AFF2: variants seen among roughly 807,000 people sequenced by gnomAD.
The protein encoded by AFF2 is AF4/FMR2 family member 2.
A neutral mutation model predicts 76.9 loss-of-function variants in AFF2; 14 were observed. That is an observed-to-expected ratio of 0.18 (90% CI 0.12 to 0.28). The LOEUF is 0.28. Ranked by LOEUF, AFF2 falls within the 10% of genes least tolerant of loss-of-function variation. AFF2 has a pLI of 1.00. For missense variants in AFF2, 868 were observed against 1,001.1 expected (o/e 0.87, Z 1.79); for synonymous variants, 398 against 366.7 (o/e 1.09, Z -0.98).
intron 5 of AFF2, among the ~76,000 whole-genome samples, chrX:148,840,106 G>A (rs1232564008): frequency 2.7e-5 from 3 of 110,964 alleles, no homozygotes; most frequent in Non-Finnish European, 5.7e-5. Context: ...ACCTCACAAG[G>A]AAGGGAGTAA....
At chrX:148,833,613 A>T (rs1201854320) in intron 4 of AFF2, among the ~76,000 whole-genome samples, 3 of 110,137 alleles carry the variant, frequency 2.7e-5, no homozygotes, top group East Asian at 2.8e-4. Context: ...AAAAAAAAAA[A>T]AATAAAAAAT....
intron 7 of AFF2, among the ~76,000 whole-genome samples, chrX:148,850,662 G>A (rs1385017108): frequency 8.9e-6 from 1 of 112,534 alleles, no homozygotes; most frequent in Non-Finnish European, 1.9e-5. Flanking sequence ...GCTATGATCA[G>A]AGATACTTTT....
chrX:148,596,403 C>T (rs1393960424), intron 1 of AFF2, among the ~76,000 whole-genome samples: 1 of 111,881 alleles, frequency 8.9e-6, no homozygotes, highest in East Asian at 2.8e-4. Flanking sequence ...GTCAAGGGGC[C>T]AGGGAAGCTG....
rs782508166 is a variant in AFF2, at chrX:148,916,196, C to CTTTTTTTTTT, written c.1397+11960_1397+11969dup. ...AATAGACTTTTGAATGTGGTTTTAA[C>CTTTTTTTTTT]TTTTTTTTTTTTTTTTTTTTTTTTT... On this transcript the variant is annotated intron_variant, in intron 9 of 20. Transcript: ENST00000370460. Among the ~76,000 whole-genome samples the CTTTTTTTTTT allele has an allele frequency of 5.3e-4, 18 of 34,035 alleles. 2 individuals are homozygous for CTTTTTTTTTT. Among genetic ancestry groups the CTTTTTTTTTT allele is most frequent in the African/African-American group, 2.2e-3 (18 of 8,052 alleles). 29.6% of individuals were successfully genotyped at this position (34,035 alleles called of 115,157 possible).
intron 3 of AFF2, among the ~76,000 whole-genome samples, chrX:148,688,364 A>G (rs782706617): frequency 9.0e-6 from 1 of 111,268 alleles, no homozygotes; most frequent in Non-Finnish European, 1.9e-5. Context: ...GTGCCATCAT[A>G]CTTTTACCAG....
In AFF2 at chrX:148,931,253, CAAAAAAAAAAAAA is replaced by C. The variant is rs782537927; in HGVS notation, c.1398-22313_1398-22301del. Among the ~76,000 whole-genome samples the C allele has an allele frequency of 4.6e-5, 2 of 43,766 alleles. 1 individual carries two copies. The highest frequency in any genetic ancestry group is 7.5e-5 in the Non-Finnish European group (2 of 26,693). The allele number at this position is 43,766 out of a possible 115,157, so 38.0% of individuals were successfully genotyped here. ...TGGGTGACAGAGCGAGACTCTGTCT[CAAAAAAAAAAAAA>C]AAAAAAAAAAAAATTCATATACAAG... On this transcript the variant is annotated intron_variant, in intron 9 of 20. Transcript: ENST00000370460.
In AFF2 at chrX:148,732,576, T is replaced by TA. The variant is rs782568759; in HGVS notation, c.1041+69823dup. Among the ~76,000 whole-genome samples the TA allele has an allele frequency of 4.4e-3, 227 of 51,077 alleles. 1 individual carries two copies. The Middle Eastern group carries it at 0.058, about 13-fold the overall frequency. The allele number at this position is 51,077 out of a possible 115,157, so 44.4% of individuals were successfully genotyped here. A position where few individuals can be genotyped will look rare whatever the true frequency, so the allele number is the denominator to read the frequency against. ...TGTACCCTAAAACTTAAAGTATAAT[T>TA]AAAAAAAAAAAAAAAGAAAGAAATA... On this transcript the variant is annotated intron_variant, in intron 3 of 20. Transcript: ENST00000370460.
intron 3 of AFF2, among the ~76,000 whole-genome samples, chrX:148,772,838 C>G (rs2069606722): frequency 9.0e-6 from 1 of 110,718 alleles, no homozygotes; most frequent in Admixed American, 9.7e-5. Context: ...ACTAATAATT[C>G]AACCATTGAT....
rs188550543 is a variant in AFF2 at position 148,998,239 on chromosome X, T to C, written c.*6907T>C. On this transcript the variant is annotated 3_prime_UTR_variant, in exon 21 of 21. Transcript: ENST00000370460. ...TCTTTTCTGGTGGTGGTAGTGGTTG[T>C]ATCTGTGGCTGTGATGGTTGTTGTT... 7.1e-5 allele frequency: 8 copies of C among 112,159 alleles called. No homozygotes were observed. The highest frequency in any genetic ancestry group is 2.6e-4 in the African/African-American group (8 of 30,785). 9.2% of individuals were successfully genotyped at this position (112,159 alleles called of 1,213,427 possible).
chrX:148,811,008 A>T (rs1336722956), intron 4 of AFF2, among the ~76,000 whole-genome samples: 8 of 111,252 alleles, frequency 7.2e-5, no homozygotes, highest in Non-Finnish European at 1.3e-4. Context: ...ATGGCTTGCC[A>T]CCCGGAGTAT....
chrX:148,581,249 C>CGT (rs782049678), intron 1 of AFF2, among the ~76,000 whole-genome samples: 1 of 2,783 alleles, frequency 3.6e-4, no homozygotes, highest in Non-Finnish European at 9.1e-4. Flanking sequence ...CGTGTACACA[C>CGT]ATATACGTAT....
intron 4 of AFF2, among the ~76,000 whole-genome samples, chrX:148,828,135 AAACAG>A (rs1295885660): frequency 8.9e-6 from 1 of 112,466 alleles, no homozygotes; most frequent in Non-Finnish European, 1.9e-5. Context: ...AAATAATTTG[AAACAG>A]AAGAGCTGGA....
intron 3 of AFF2, among the ~76,000 whole-genome samples, chrX:148,708,752 A>C: frequency 8.9e-6 from 1 of 112,521 alleles, no homozygotes; most frequent in Middle Eastern, 4.6e-3. Flanking sequence ...GACAAATGCT[A>C]CATTAATGTT....
intron 3 of AFF2, among the ~76,000 whole-genome samples, chrX:148,733,136 C>T (rs573474913): frequency 9.0e-6 from 1 of 111,089 alleles, no homozygotes; most frequent in African/African-American, 3.3e-5. Context: ...ACTGTTTTAC[C>T]CTTGTAAGTG....
intron 7 of AFF2, among the ~76,000 whole-genome samples, chrX:148,877,589 C>A (rs1557278035): frequency 1.2e-4 from 14 of 112,701 alleles, no homozygotes; most frequent in Non-Finnish European, 3.8e-5. Flanking sequence ...CTTTATGCAT[C>A]AGCATAAGGG....
At chrX:148,847,463 C>A (rs1002889747) in intron 7 of AFF2, among the ~76,000 whole-genome samples, 1 of 112,024 alleles carries the variant, frequency 8.9e-6, no homozygotes, top group Non-Finnish European at 1.9e-5. Flanking sequence ...CTGAGCAGCT[C>A]CTGTGTTTTA....
chrX:148,689,136 T>C, intron 3 of AFF2, among the ~76,000 whole-genome samples: 1 of 111,922 alleles, frequency 8.9e-6, no homozygotes, highest in East Asian at 2.8e-4. Context: ...TCTCCTTGGC[T>C]TGTAGGTTGC....
chrX:148,511,484 C>T (rs921462203), intron 1 of AFF2, among the ~76,000 whole-genome samples: 4 of 112,229 alleles, frequency 3.6e-5, no homozygotes, highest in Middle Eastern at 4.2e-3. Flanking sequence ...TCTATTTATG[C>T]CTCTGGAGGA....
chrX:148,704,419 GAT>G (rs1449270008), intron 3 of AFF2, among the ~76,000 whole-genome samples: 440 of 4,420 alleles, frequency 0.1, 65 homozygotes, highest in African/African-American at 0.27. Flanking sequence ...TATATGTGTA[GAT>G]ATATATTTAT....
Sources: allele counts gnomAD v4.1 joint callset (sites outside exome capture counted in the v4.1 genomes callset), GRCh38; gene constraint gnomAD v4.1.1; transcripts MANE v1.5; gene names NCBI Gene and HGNC (gene_info 2026-07-23, HGNC 2026-07-21).